Variants in CEP290 observed in about 807,000 individuals in gnomAD.
The protein encoded by CEP290 is centrosomal protein of 290 kDa.
Under a neutral mutation model 344.9 loss-of-function variants are expected in CEP290, and 317 were observed. The ratio of observed to expected loss-of-function variants is 0.92; its 90% CI spans 0.84 to 1.01. CEP290 has a LOEUF of 1.01. Among genes scored for constraint, CEP290 ranks in the 50% least tolerant of loss-of-function variants. The pLI, the probability that CEP290 is intolerant of heterozygous loss-of-function variation, is 0.00. For synonymous variants in CEP290, 932 were observed against 895.8 expected (o/e 1.04, Z -0.72); for missense variants, 2,754 against 2,761.4 (o/e 1.00, Z 0.06).
rs772635605 is a variant in CEP290 at position 88,120,998 on chromosome 12, G to C, written c.1358C>G (p.Ser453Trp). The C allele has an allele frequency of 6.8e-6, 11 of 1,607,778 alleles. No individual in the cohort carries two copies. The highest frequency in any genetic ancestry group is 8.5e-6 in the Non-Finnish European group (10 of 1,177,966). ...EALKRLKDYESGVYGLEDAVV... is the reference protein window; with the variant it reads ...EALKRLKDYEWGVYGLEDAVV... ...GAATGACAAGATAAAAATACATACC[G>C]ATTCATAATCTTTTAACCTCTTCAG... Residue 453 changes from serine to tryptophan, a missense_variant and splice_region_variant, in exon 14 of 54, where the codon TCG becomes TGG. Transcript: ENST00000552810.
chr12:88,132,961 C>T (rs1020072198), intron 6 of CEP290, among the ~76,000 whole-genome samples: 3 of 151,982 alleles, frequency 2.0e-5, no homozygotes, highest in African/African-American at 7.2e-5. Context: ...TCAGCTCCCA[C>T]TTATAAGTGA....
chr12:88,140,069 A>C (rs1226617488), intron 3 of CEP290, among the ~76,000 whole-genome samples: 1 of 152,120 alleles, frequency 6.6e-6, no homozygotes, highest in African/African-American at 2.4e-5. Context: ...TTCTTACTTA[A>C]GACTACAATT....
At chr12:88,117,862 C>G (rs2039149347) in intron 17 of CEP290, among the ~76,000 whole-genome samples, 1 of 151,772 alleles carries the variant, frequency 6.6e-6, no homozygotes, top group Non-Finnish European at 1.5e-5. Context: ...ATGGTGAAAC[C>G]CTGTTTCTAC....
rs551071701 is a variant in CEP290, at chr12:88,089,249, C to A, written c.3812G>T (p.Arg1271Leu). The change falls in exon 31 of 54, where the codon CGA becomes CTA. Residue 1271 changes from arginine (R) to leucine (L), a missense_variant. Arg to Leu is a moderately radical substitution (Grantham distance 102). Coordinates refer to ENST00000552810, the MANE Select transcript of CEP290 (RefSeq NM_025114.4). ...GGGTAAAGCTCCACTAAACTGTCGT[C>A]GTAGAGACTGAATTGTTTGGCGCAG... ...KHLRQTIQSL[R>L]RQFSGALPLA... 6.2e-7 allele frequency: 1 copy of A among 1,613,890 alleles called. No homozygotes were observed.
chr12:88,053,618 G>A, intron 52 of CEP290, 34 bp downstream of exon 52: 2 of 1,090,688 alleles, frequency 1.8e-6, no homozygotes, highest in Non-Finnish European at 2.7e-6. Context: ...TCAAAAACTT[G>A]GGGGTAGCTA....
chr12:88,055,728 A>G lies in CEP290; in HGVS notation c.6819-11T>C, dbSNP rs2136657156. ...TTGGTTTCATACATTCTAAAAGTAT[A>G]AGGAAAAAAAGTATAGACATGGCAA... On this transcript the variant is annotated splice_polypyrimidine_tract_variant and intron_variant, in intron 49 of 53. Transcript: ENST00000552810. The G allele has an allele frequency of 3.4e-6, 5 of 1,461,974 alleles. No individual in the cohort carries two copies. Among genetic ancestry groups the G allele is most frequent in the Admixed American group, 5.4e-5 (2 of 36,990 alleles). The allele number at this position is 1,461,974 out of a possible 1,614,324, so 90.6% of individuals were successfully genotyped here. A position where few individuals can be genotyped will look rare whatever the true frequency, so the allele number is the denominator to read the frequency against.
At chr12:88,052,110 A>G (rs546866820) in intron 52 of CEP290, among the ~76,000 whole-genome samples, 1 of 152,322 alleles carries the variant, frequency 6.6e-6, no homozygotes, top group South Asian at 2.1e-4. Context: ...CAATTAGCAT[A>G]GTGTCTAGTA....
intron 37 of CEP290, among the ~76,000 whole-genome samples, chr12:88,082,750 A>G (rs1745333705): frequency 6.6e-6 from 1 of 152,148 alleles, no homozygotes; most frequent in African/African-American, 2.4e-5. Flanking sequence ...TAAAAATGAG[A>G]TTCTGGAAAA....
At position 88,118,441 on chromosome 12, in the gene CEP290, T is replaced by G. The variant is rs1409938003; in HGVS notation, c.1711+42A>C. ...TAATTTCATATCCAGACAACTCACT[T>G]ATCAATAATTCTTTTTAAAGGTTTA... On this transcript the variant is annotated intron_variant, in intron 17 of 53. Transcript: ENST00000552810. The G allele has an allele frequency of 2.1e-6, 3 of 1,435,978 alleles. No homozygotes were observed. In the Admixed American group the frequency reaches 6.3e-5, roughly 30 times the overall value. The allele number at this position is 1,435,978 out of a possible 1,614,324, so 89.0% of individuals were successfully genotyped here. A position where few individuals can be genotyped will look rare whatever the true frequency, so the allele number is the denominator to read the frequency against.
At chr12:88,110,376 C>T (rs1011256794) in intron 22 of CEP290, among the ~76,000 whole-genome samples, 18 of 151,960 alleles carry the variant, frequency 1.2e-4, no homozygotes, top group African/African-American at 2.2e-4. Context: ...CATTTTATTG[C>T]GTAAAGGGAA....
At chr12:88,102,812 A>G (rs754743183) in intron 26 of CEP290, 26 bp downstream of exon 26, 1 of 1,577,966 alleles carries the variant, frequency 6.3e-7, no homozygotes, top group African/African-American at 1.4e-5. Context: ...CTAATTTCAC[A>G]AGGTTCAAGA....
In CEP290 at chr12:88,084,570, T is replaced by A; in HGVS notation, c.4704+16A>T. 1.9e-6 allele frequency: 3 copies of A among 1,591,954 alleles called. No individual in the cohort carries two copies. On this transcript the variant is annotated intron_variant, in intron 35 of 53. Transcript: ENST00000552810. ...AACTAATGGATAACAGCATAACTCATAATATAATAAAATACCTCTCTGGCT... is the reference window on the plus strand; with the variant it reads ...AACTAATGGATAACAGCATAACTCAAAATATAATAAAATACCTCTCTGGCT...
In CEP290 at chr12:88,102,516, G is replaced by A. The variant is rs549581025; in HGVS notation, c.2991+322C>T. Among the ~76,000 whole-genome samples the A allele has an allele frequency of 2.0e-5, 3 of 152,180 alleles. No individual in the cohort carries two copies. The South Asian group carries it at 6.2e-4, about 32-fold the overall frequency. ...GATTACAATATTCTACCTGTTTCAT[G>A]CTCCTTTTTCTCTTAGATGTCTGGT... On this transcript the variant is annotated intron_variant, in intron 26 of 53. Transcript: ENST00000552810.
chr12:88,111,435 G>A, intron 21 of CEP290, 84 bp from the exon 22 acceptor site: 2 of 1,288,646 alleles, frequency 1.6e-6, no homozygotes, highest in Non-Finnish European at 2.1e-6. Context: ...TGCCCTGCCA[G>A]GAATTTTACC....
At chr12:88,129,975 A>G (rs2039966785) in intron 9 of CEP290, 99 bp from the exon 10 acceptor site, 1 of 794,090 alleles carries the variant, frequency 1.3e-6, no homozygotes, top group African/African-American at 1.8e-5. Context: ...TCCTCTAGAA[A>G]AAAAGAGAAT....
intron 18 of CEP290, among the ~76,000 whole-genome samples, chr12:88,116,768 A>G (rs999817310): frequency 6.6e-6 from 1 of 151,998 alleles, no homozygotes; most frequent in African/African-American, 2.4e-5. Flanking sequence ...AGGTCAGAAG[A>G]TCGAGACCAT....
intron 22 of CEP290, among the ~76,000 whole-genome samples, chr12:88,109,704 C>T (rs1304883141): frequency 1.3e-5 from 2 of 152,108 alleles, no homozygotes; most frequent in African/African-American, 4.8e-5. Context: ...GGTCTTGCCA[C>T]GTTTATAGCT....
chr12:88,096,050 ATTT>A (rs72194586), intron 27 of CEP290, among the ~76,000 whole-genome samples: 8 of 150,138 alleles, frequency 5.3e-5, no homozygotes, highest in East Asian at 2.0e-4. Flanking sequence ...AATAAAACAA[ATTT>A]TTTTTTTTTT....
At position 88,111,717 on chromosome 12, in the gene CEP290, G is replaced by T. The variant is rs1438792443; in HGVS notation, c.2194C>A (p.Gln732Lys). 1 of 1,593,870 alleles carries T rather than the reference G, an allele frequency of 6.3e-7. No homozygotes were observed. The highest frequency in any genetic ancestry group is 8.5e-7 in the Non-Finnish European group (1 of 1,172,694). The change falls in exon 21 of 54, where the codon CAG (glutamine) becomes AAG (lysine). Residue 732 changes from glutamine (Q) to lysine (K), a missense_variant. By Grantham distance (53) the Gln-to-Lys change is moderately conservative. Transcript: ENST00000552810. ...SRKEAINYSQ[Q>K]LAKANLKIDH... ...ACCTTTAAATTAGCTTTTGCCAACT[G>T]CTGTGAATAATTTATAGCCTCTTTC... is the stretch of plus-strand genomic sequence containing the variant.
Sources: allele counts gnomAD v4.1 joint callset (sites outside exome capture counted in the v4.1 genomes callset), GRCh38; gene constraint gnomAD v4.1.1; transcripts MANE v1.5; gene names NCBI Gene and HGNC (gene_info 2026-07-23, HGNC 2026-07-21).